The following PPP2R5D variants were observed in gnomAD, a reference collection of about 807,000 sequenced individuals.
PPP2R5D encodes the protein serine/threonine-protein phosphatase 2A 56 kDa regulatory subunit delta isoform.
A neutral mutation model predicts 79.1 loss-of-function variants in PPP2R5D; 12 were observed. The ratio of observed to expected loss-of-function variants is 0.15; its 90% CI spans 0.10 to 0.25. The LOEUF is 0.25. Among genes scored for constraint, PPP2R5D ranks in the 10% least tolerant of loss-of-function variants. The probability of loss-of-function intolerance (pLI) is 1.00; values close to 1 mark genes in which losing one functional copy is unlikely to be tolerated. For missense variants in PPP2R5D, 419 were observed against 760.2 expected (o/e 0.55, Z 5.28); for synonymous variants, 277 against 286.6 (o/e 0.97, Z 0.34).
chr6:42,993,481 AAAAC>A (rs1771420190), intron 2 of PPP2R5D, among the ~76,000 whole-genome samples: 1 of 152,142 alleles, frequency 6.6e-6, no homozygotes, highest in Non-Finnish European at 1.5e-5. Flanking sequence ...CAAAAAACAA[AAAAC>A]AAACAAAAAA....
At chr6:42,994,470 C>T (rs1026324353) in intron 2 of PPP2R5D, among the ~76,000 whole-genome samples, 1 of 152,114 alleles carries the variant, frequency 6.6e-6, no homozygotes, top group Non-Finnish European at 1.5e-5. Context: ...TCAGGTGAGA[C>T]CCCACTGACC....
chr6:42,999,318 T>C (rs1475419656), intron 2 of PPP2R5D, among the ~76,000 whole-genome samples: 1 of 152,196 alleles, frequency 6.6e-6, no homozygotes, highest in African/African-American at 2.4e-5. Flanking sequence ...AGACAGCGGA[T>C]ACCTCATTGG....
Position 42,990,054 on chromosome 6 carries a change from C to T in PPP2R5D, c.105+366C>T, listed in dbSNP as rs546585142. 7.6e-5 allele frequency among the ~76,000 whole-genome samples: 11 copies of T among 145,590 alleles called. No individual in the cohort carries two copies. The South Asian group carries it at 1.3e-3, about 17-fold the overall frequency. The stretch of plus-strand genomic sequence containing the variant: ...GGTAACAAGTGACTTCAGCATGGCT[C>T]GGGTGGGGCAGGGGATTGGGAGGGG... On this transcript the variant is annotated intron_variant, in intron 2 of 15. Coordinates refer to ENST00000485511, the MANE Select transcript of PPP2R5D (RefSeq NM_006245.4).
intron 2 of PPP2R5D, among the ~76,000 whole-genome samples, chr6:42,992,969 T>C (rs1478314881): frequency 6.6e-6 from 1 of 151,920 alleles, no homozygotes; most frequent in Non-Finnish European, 1.5e-5. Context: ...GAGAGCAGCG[T>C]GGCCAACATG....
In PPP2R5D at chr6:43,007,373, C is replaced by T; in HGVS notation, c.634-41C>T. ...TGGGGCACTTGGAGGCCTGCAAGTC[C>T]TTGGGAACATCCCCTCAGTGGCGTG... On this transcript the variant is annotated intron_variant, in intron 5 of 15. Coordinates refer to ENST00000485511, the MANE Select transcript of PPP2R5D (RefSeq NM_006245.4). The surrounding 1 kb of genome is among the most constrained non-coding windows in gnomAD (Gnocchi z 4.5). 6.2e-7 allele frequency: 1 copy of T among 1,604,606 alleles called. No individual in the cohort carries two copies. Among genetic ancestry groups the T allele is most frequent in the Non-Finnish European group, 8.5e-7 (1 of 1,171,342 alleles).
chr6:43,006,703 G>T lies in PPP2R5D; in HGVS notation c.322+24G>T. 1 of 1,609,784 alleles carries T rather than the reference G, an allele frequency of 6.2e-7. No individual in the cohort carries two copies. The highest frequency in any genetic ancestry group is 1.1e-5 in the South Asian group (1 of 90,712). On this transcript the variant is annotated intron_variant, in intron 3 of 15. Coordinates refer to ENST00000485511, the MANE Select transcript of PPP2R5D (RefSeq NM_006245.4). This position sits in a 1 kb window ranked among gnomAD's most constrained non-coding sequence, Gnocchi z 4.7. ...AGGTACTTGGCAATTGGTCACAGGGGCTGTTTTACCAGTTCTAGTGGGCAT... is the reference window on the plus strand; with the variant it reads ...AGGTACTTGGCAATTGGTCACAGGGTCTGTTTTACCAGTTCTAGTGGGCAT...
rs762845487 is a variant in PPP2R5D, at chr6:43,009,456, C to T, written c.1379+7C>T. On this transcript the variant is annotated splice_region_variant and intron_variant, in intron 12 of 15. Coordinates refer to ENST00000485511, the MANE Select transcript of PPP2R5D (RefSeq NM_006245.4). This position sits in a 1 kb window ranked among gnomAD's most constrained non-coding sequence, Gnocchi z 5.6. ...CCAAGAGCCACTGGAACAAGTAAGG[C>T]GCTGGGGTGGGGCTGGGTGGTGGGG... 2.8e-5 allele frequency: 45 copies of T among 1,614,002 alleles called. 1 individual carries two copies. The highest frequency in any genetic ancestry group is 4.5e-5 in the East Asian group (2 of 44,884).
In PPP2R5D at chr6:43,006,351, A is replaced by G. The variant is rs1162870997; in HGVS notation, c.106-112A>G. ...CCTTAGCTCCTTCGGGGCAGGAGACAGCTGCTCACTGCCCAGGCCTGTGCA... is the reference window on the plus strand; with the variant it reads ...CCTTAGCTCCTTCGGGGCAGGAGACGGCTGCTCACTGCCCAGGCCTGTGCA... On this transcript the variant is annotated intron_variant, in intron 2 of 15. Transcript: ENST00000485511. The surrounding 1 kb of genome is among the most constrained non-coding windows in gnomAD (Gnocchi z 4.7). The G allele has an allele frequency of 1.4e-6, 2 of 1,474,596 alleles. No homozygotes were observed. Among genetic ancestry groups the G allele is most frequent in the African/African-American group, 1.4e-5 (1 of 71,068 alleles). The allele number at this position is 1,474,596 out of a possible 1,614,324, so 91.3% of individuals were successfully genotyped here. A position where few individuals can be genotyped will look rare whatever the true frequency, so the allele number is the denominator to read the frequency against.
intron 2 of PPP2R5D, among the ~76,000 whole-genome samples, chr6:43,005,345 G>A (rs1762017042): frequency 6.6e-6 from 1 of 151,714 alleles, no homozygotes; most frequent in Non-Finnish European, 1.5e-5. Flanking sequence ...TGCAGTTGGT[G>A]TGATCATAGC....
intron 2 of PPP2R5D, among the ~76,000 whole-genome samples, chr6:43,005,774 A>G (rs1438452059): frequency 6.6e-6 from 1 of 151,976 alleles, no homozygotes; most frequent in Non-Finnish European, 1.5e-5. Flanking sequence ...GGCGCCTGCC[A>G]CCACGCCTGG....
chr6:42,991,185 G>GAAGACACA (rs1330137414), intron 2 of PPP2R5D, among the ~76,000 whole-genome samples: 2 of 152,090 alleles, frequency 1.3e-5, no homozygotes, highest in African/African-American at 4.8e-5. Flanking sequence ...CATAGTAAAT[G>GAAGACACA]CTTCTGGGAA....
chr6:42,990,048 A>G (rs1486630998), intron 2 of PPP2R5D, among the ~76,000 whole-genome samples: 2 of 147,324 alleles, frequency 1.4e-5, no homozygotes, highest in Admixed American at 1.4e-4. Flanking sequence ...TGACTTCAGC[A>G]TGGCTCGGGT....
intron 2 of PPP2R5D, among the ~76,000 whole-genome samples, chr6:42,990,794 C>T (rs976400061): frequency 1.3e-5 from 2 of 149,788 alleles, no homozygotes; most frequent in African/African-American, 5.0e-5. Context: ...ACTGCAACCT[C>T]CACCTCCCGG....
Position 43,008,782 on chromosome 6 carries a change from AC to A in PPP2R5D, c.1080+37del. 1 of 1,594,924 alleles carries A rather than the reference AC, an allele frequency of 6.3e-7. No homozygotes were observed. Among genetic ancestry groups the A allele is most frequent in the Non-Finnish European group, 8.6e-7 (1 of 1,163,624 alleles). On this transcript the variant is annotated intron_variant, in intron 10 of 15. Coordinates refer to ENST00000485511, the MANE Select transcript of PPP2R5D (RefSeq NM_006245.4). The surrounding 1 kb of genome is among the most constrained non-coding windows in gnomAD (Gnocchi z 4.2). ...TTCCGGGCCCCAAGGCCCACCTCTTACTGTCAGCATCACTTGCCAGTCTGTA... is the reference window on the plus strand; with the variant it reads ...TTCCGGGCCCCAAGGCCCACCTCTTATGTCAGCATCACTTGCCAGTCTGTA...
intron 2 of PPP2R5D, among the ~76,000 whole-genome samples, chr6:42,994,545 C>T (rs967073174): frequency 1.3e-5 from 2 of 152,158 alleles, no homozygotes; most frequent in Non-Finnish European, 2.9e-5. Context: ...GTCCTCACGC[C>T]TGTAATCCCA....
Position 43,007,844 on chromosome 6 carries a change from T to C in PPP2R5D, c.727-91T>C. Reference sequence around the variant, plus strand: ...GCTGGCCCCCACTCCAGGGGACCTCTGCATTTCCCCTGGCGGGACCTATGT... The same window carrying C: ...GCTGGCCCCCACTCCAGGGGACCTCCGCATTTCCCCTGGCGGGACCTATGT... On this transcript the variant is annotated intron_variant, in intron 6 of 15. Coordinates refer to ENST00000485511, the MANE Select transcript of PPP2R5D (RefSeq NM_006245.4). The surrounding 1 kb of genome is among the most constrained non-coding windows in gnomAD (Gnocchi z 4.5). 6.6e-7 allele frequency: 1 copy of C among 1,523,268 alleles called. No homozygotes were observed. The highest frequency in any genetic ancestry group is 9.1e-7 in the Non-Finnish European group (1 of 1,104,780). 94.4% of individuals were successfully genotyped at this position (1,523,268 alleles called of 1,614,324 possible). A position where few individuals can be genotyped will look rare whatever the true frequency, so the allele number is the denominator to read the frequency against.
chr6:42,995,961 A>T (rs1173772400), intron 2 of PPP2R5D, among the ~76,000 whole-genome samples: 16 of 145,576 alleles, frequency 1.1e-4, no homozygotes, highest in African/African-American at 3.8e-4. Flanking sequence ...CCCGGGGTTC[A>T]CGCCATTCTC....
intron 2 of PPP2R5D, among the ~76,000 whole-genome samples, chr6:42,997,612 C>A (rs1771798402): frequency 6.6e-6 from 1 of 151,976 alleles, no homozygotes; most frequent in South Asian, 2.1e-4. Flanking sequence ...CGGGTTCAAG[C>A]AATTCTCCTG....
chr6:43,004,303 G>C (rs1030003181), intron 2 of PPP2R5D, among the ~76,000 whole-genome samples: 1 of 152,198 alleles, frequency 6.6e-6, no homozygotes, highest in Non-Finnish European at 1.5e-5. Flanking sequence ...GATTACAGGC[G>C]TGAGCCACCG....
Sources: allele counts gnomAD v4.1 joint callset (sites outside exome capture counted in the v4.1 genomes callset), GRCh38; gene constraint gnomAD v4.1.1; non-coding constraint Gnocchi (gnomAD v3.1); transcripts MANE v1.5; gene names NCBI Gene and HGNC (gene_info 2026-07-23, HGNC 2026-07-21).